PPM1H: variants seen among roughly 807,000 people sequenced by gnomAD.
The protein encoded by PPM1H is protein phosphatase 1H.
A neutral mutation model predicts 54.9 loss-of-function variants in PPM1H; 27 were observed. The observed-to-expected ratio is 0.49, with a 90% CI of 0.36 to 0.68. The LOEUF is 0.68. Among genes scored for constraint, PPM1H ranks in the 30% least tolerant of loss-of-function variants. PPM1H has a pLI of 0.00. For synonymous variants in PPM1H, 305 were observed against 270.8 expected, an observed-to-expected ratio of 1.13 and a Z score of -1.24; for missense variants, 596 against 667.8, an observed-to-expected ratio of 0.89 and a Z score of 1.19.
At chr12:62,825,734 G>A (rs542221293) in intron 2 of PPM1H, among the ~76,000 whole-genome samples, 35 of 152,194 alleles carry the variant, frequency 2.3e-4, no homozygotes, top group African/African-American at 7.9e-4. Flanking sequence ...GGCCTGTCGC[G>A]GAGTGTGGAG....
At chr12:62,684,561 G>A (rs1250361578) in intron 8 of PPM1H, among the ~76,000 whole-genome samples, 2 of 152,060 alleles carry the variant, frequency 1.3e-5, no homozygotes, top group Non-Finnish European at 2.9e-5. Flanking sequence ...TGGGAACAAT[G>A]CTGATTTCCA....
In PPM1H at chr12:62,689,797, T is replaced by C; in HGVS notation, c.1147A>G (p.Met383Val). Reference protein sequence around the residue: ...IYGEGKKARVMATIGVTRGLG... With the variant: ...IYGEGKKARVVATIGVTRGLG... ...CCCCTGGTCACTCCAATAGTTGCCA[T>C]TACCCGGGCCTAGGAGTATAAGCAG... is the stretch of plus-strand genomic sequence containing the variant. Residue 383 changes from methionine to valine, a missense_variant, in exon 8 of 10, where the codon ATG (methionine) becomes GTG (valine). This residue lies in a region of PPM1H where 208 missense variants were observed against 259.5 expected (regional missense o/e 0.80). Transcript: ENST00000228705. 1 of 1,612,352 alleles carries C rather than the reference T, an allele frequency of 6.2e-7. No individual in the cohort carries two copies. The highest frequency in any genetic ancestry group is 1.3e-5 in the African/African-American group (1 of 74,990).
At chr12:62,746,056 G>A (rs1224772352) in intron 4 of PPM1H, among the ~76,000 whole-genome samples, 8 of 152,030 alleles carry the variant, frequency 5.3e-5, no homozygotes, top group South Asian at 2.1e-4. Context: ...TTAGCCAGGC[G>A]TTGTGGTACA....
chr12:62,831,806 T>C (rs1040057938), intron 2 of PPM1H, among the ~76,000 whole-genome samples: 1 of 125,686 alleles, frequency 8.0e-6, no homozygotes, highest in African/African-American at 3.0e-5. Flanking sequence ...CACACACACA[T>C]ATATATGTGT....
chr12:62,724,816 T>C (rs956173693), intron 5 of PPM1H, among the ~76,000 whole-genome samples: 2 of 152,206 alleles, frequency 1.3e-5, no homozygotes, highest in Admixed American at 1.3e-4. Flanking sequence ...TTAGACACAT[T>C]TTTATTATCT....
intron 1 of PPM1H, among the ~76,000 whole-genome samples, chr12:62,893,434 G>C (rs1030882887): frequency 6.6e-6 from 1 of 152,034 alleles, no homozygotes; most frequent in Non-Finnish European, 1.5e-5. Flanking sequence ...GAGTCATAAT[G>C]AATTAGGGCC....
intron 1 of PPM1H, among the ~76,000 whole-genome samples, chr12:62,900,530 T>TGTA (rs1565823948): frequency 2.7e-5 from 2 of 75,182 alleles, no homozygotes; most frequent in Admixed American, 2.4e-4. Flanking sequence ...GAACTTAAAA[T>TGTA]GTAATAATAA....
intron 1 of PPM1H, among the ~76,000 whole-genome samples, chr12:62,861,434 C>T (rs1191907525): frequency 6.6e-6 from 1 of 152,228 alleles, no homozygotes; most frequent in Non-Finnish European, 1.5e-5. Context: ...GAGCTGACAA[C>T]AGATGATTAG....
intron 5 of PPM1H, among the ~76,000 whole-genome samples, chr12:62,727,498 C>A (rs1218762826): frequency 6.6e-6 from 1 of 151,994 alleles, no homozygotes; most frequent in Non-Finnish European, 1.5e-5. Context: ...AACACATGTG[C>A]ATGGCTGCAT....
At chr12:62,685,341 C>T (rs2076045513) in intron 8 of PPM1H, among the ~76,000 whole-genome samples, 1 of 152,172 alleles carries the variant, frequency 6.6e-6, no homozygotes. Context: ...AGGTTTAAGA[C>T]AAATGCACCC....
chr12:62,871,892 C>T (rs897611423), intron 1 of PPM1H, among the ~76,000 whole-genome samples: 3 of 152,084 alleles, frequency 2.0e-5, no homozygotes, highest in Non-Finnish European at 4.4e-5. Context: ...CAAAAAAGAA[C>T]ACATGGATGG....
intron 6 of PPM1H, among the ~76,000 whole-genome samples, chr12:62,699,083 G>C (rs140454182): frequency 6.6e-6 from 1 of 152,172 alleles, no homozygotes; most frequent in Non-Finnish European, 1.5e-5. Context: ...CCACACAAGG[G>C]GGGTGGCAAC....
chr12:62,791,832 G>C (rs1453734332), intron 3 of PPM1H, among the ~76,000 whole-genome samples: 1 of 152,156 alleles, frequency 6.6e-6, no homozygotes, highest in Non-Finnish European at 1.5e-5. Context: ...GCTGAGATAG[G>C]AGAATTGCTT....
chr12:62,651,824 T>C (rs1276959943), intron 9 of PPM1H, among the ~76,000 whole-genome samples: 1 of 152,232 alleles, frequency 6.6e-6, no homozygotes, highest in Non-Finnish European at 1.5e-5. Context: ...TCAATACTTA[T>C]TCTGCTTAAC....
chr12:62,914,664 GAAGAC>G (rs1414866691), intron 1 of PPM1H, among the ~76,000 whole-genome samples: 1 of 152,142 alleles, frequency 6.6e-6, no homozygotes, highest in Non-Finnish European at 1.5e-5. Flanking sequence ...CATTCAAGAG[GAAGAC>G]AATACTGGAA....
At chr12:62,686,347 A>C (rs911470084) in intron 8 of PPM1H, among the ~76,000 whole-genome samples, 2 of 152,212 alleles carry the variant, frequency 1.3e-5, no homozygotes, top group Non-Finnish European at 2.9e-5. Flanking sequence ...GTGGAGAAGG[A>C]GGTTTTTACT....
chr12:62,672,253 G>C (rs1019277363), intron 8 of PPM1H, among the ~76,000 whole-genome samples: 14 of 152,166 alleles, frequency 9.2e-5, no homozygotes, highest in Non-Finnish European at 1.9e-4. Flanking sequence ...TTGCTTTTGC[G>C]AGAGCAACCA....
At chr12:62,842,005 A>G (rs770695095) in intron 1 of PPM1H, among the ~76,000 whole-genome samples, 49 of 152,128 alleles carry the variant, frequency 3.2e-4, no homozygotes, top group Non-Finnish European at 5.7e-4. Flanking sequence ...AATACCACCA[A>G]TGTCCAACTT....
intron 1 of PPM1H, among the ~76,000 whole-genome samples, chr12:62,878,864 C>T (rs535251453): frequency 6.0e-4 from 92 of 152,152 alleles, no homozygotes; most frequent in African/African-American, 2.0e-3. Context: ...GGCTTGAATC[C>T]GTAAGGCGGA....
Sources: allele counts gnomAD v4.1 joint callset (sites outside exome capture counted in the v4.1 genomes callset), GRCh38; gene constraint gnomAD v4.1.1; regional missense constraint gnomAD v4.1.1; transcripts MANE v1.5; gene names NCBI Gene and HGNC (gene_info 2026-07-23, HGNC 2026-07-21).